The following BCAT1 variants were observed in gnomAD, a reference collection of about 807,000 sequenced individuals.
BCAT1 encodes the protein branched-chain-amino-acid aminotransferase, cytosolic.
In BCAT1, 48 loss-of-function variants were observed where a neutral mutation model predicts 52.4. The observed-to-expected ratio is 0.92, with a 90% CI of 0.73 to 1.16. BCAT1 has a LOEUF of 1.16. Among genes scored for constraint, BCAT1 ranks in the 50% most tolerant of loss-of-function variants. BCAT1 has a pLI of 0.00. For synonymous variants in BCAT1, 167 were observed against 161.3 expected (o/e 1.04, Z -0.27); for missense variants, 451 against 457.1 (o/e 0.99, Z 0.12).
chr12:24,874,314 A>C (rs1324615287), intron 5 of BCAT1, among the ~76,000 whole-genome samples: 3 of 152,242 alleles, frequency 2.0e-5, no homozygotes. Context: ...ACTCTATCTC[A>C]AAAATAAAAT....
chr12:24,866,429 C>G (rs200491710), intron 5 of BCAT1, among the ~76,000 whole-genome samples: 1 of 152,196 alleles, frequency 6.6e-6, no homozygotes, highest in Non-Finnish European at 1.5e-5. Flanking sequence ...TGACGAGTGC[C>G]ACCCCCACTC....
At chr12:24,842,324 C>T (rs1941201187) in intron 6 of BCAT1, 100 bp from the exon 7 acceptor site, 1 of 1,321,312 alleles carries the variant, frequency 7.6e-7, no homozygotes, top group Non-Finnish European at 1.1e-6. Flanking sequence ...CACATGTGGA[C>T]ATAGTGAAGG....
intron 6 of BCAT1, among the ~76,000 whole-genome samples, chr12:24,842,666 C>T (rs1673331120): frequency 1.3e-5 from 2 of 152,054 alleles, no homozygotes; most frequent in Non-Finnish European, 1.5e-5. Flanking sequence ...TGTCAAGTTG[C>T]AATAGAAGAG....
intron 1 of BCAT1, among the ~76,000 whole-genome samples, chr12:24,937,826 C>A (rs940860095): frequency 2.0e-5 from 3 of 152,146 alleles, no homozygotes; most frequent in Non-Finnish European, 4.4e-5. Context: ...AAACTGGGCA[C>A]ATGGTTGTTA....
chr12:24,852,889 C>G, intron 5 of BCAT1, among the ~76,000 whole-genome samples: 1 of 152,166 alleles, frequency 6.6e-6, no homozygotes, highest in East Asian at 1.9e-4. Context: ...ATTACTTACA[C>G]CAATTCATTG....
chr12:24,873,731 T>A (rs968809060), intron 5 of BCAT1, among the ~76,000 whole-genome samples: 2 of 152,332 alleles, frequency 1.3e-5, no homozygotes, highest in South Asian at 4.1e-4. Flanking sequence ...AATGCTCCAA[T>A]GAGCATTTTT....
chr12:24,889,935 G>T (rs1483196967), intron 3 of BCAT1, among the ~76,000 whole-genome samples: 1 of 152,176 alleles, frequency 6.6e-6, no homozygotes, highest in African/African-American at 2.4e-5. Flanking sequence ...CCAAAAGAAT[G>T]AGTTCAGTGA....
intron 1 of BCAT1, among the ~76,000 whole-genome samples, chr12:24,933,469 G>T (rs1418648735): frequency 6.6e-6 from 1 of 152,104 alleles, no homozygotes; most frequent in Non-Finnish European, 1.5e-5. Flanking sequence ...CCTGCAAGTT[G>T]CAGGAGAGCT....
intron 2 of BCAT1, among the ~76,000 whole-genome samples, chr12:24,896,184 C>T (rs1409767651): frequency 5.9e-5 from 9 of 152,026 alleles, no homozygotes; most frequent in Non-Finnish European, 1.0e-4. Flanking sequence ...CAAGTAAAAA[C>T]GTTAATTTAA....
intron 1 of BCAT1, among the ~76,000 whole-genome samples, chr12:24,947,764 G>A (rs1943953692): frequency 6.6e-6 from 1 of 152,192 alleles, no homozygotes; most frequent in Non-Finnish European, 1.5e-5. Flanking sequence ...AAGCAAGACT[G>A]TTCATTCTTA....
chr12:24,916,876 A>C (rs775523738), intron 1 of BCAT1, among the ~76,000 whole-genome samples: 1 of 152,208 alleles, frequency 6.6e-6, no homozygotes, highest in Non-Finnish European at 1.5e-5. Flanking sequence ...AAATAACTAT[A>C]TTGCCAGAAA....
intron 8 of BCAT1, chr12:24,834,299 T>G (rs1444220093): frequency 4.1e-6 from 4 of 985,362 alleles, no homozygotes; most frequent in African/African-American, 3.5e-5. Context: ...TTCCTTCTCT[T>G]TCAGTATCAC....
At chr12:24,871,928 C>A (rs1184398405) in intron 5 of BCAT1, among the ~76,000 whole-genome samples, 1 of 152,004 alleles carries the variant, frequency 6.6e-6, no homozygotes, top group Non-Finnish European at 1.5e-5. Context: ...GCAAATAAAA[C>A]TGAATATTGT....
In BCAT1 at chr12:24,901,824, C is replaced by A. The variant is rs1478655461; in HGVS notation, c.68G>T (p.Gly23Val). The A allele has an allele frequency of 4.3e-6, 7 of 1,613,758 alleles. No individual in the cohort carries two copies. Among genetic ancestry groups the A allele is most frequent in the East Asian group, 2.2e-5 (1 of 44,898 alleles). The change falls in exon 2 of 11, where the codon GGG (glycine) becomes GTG (valine). Residue 23 changes from glycine (G) to valine (V), a missense_variant. Physicochemically the swap from Gly to Val is moderately radical, Grantham distance 109. Transcript: ENST00000261192. Reference protein sequence around the residue: ...TGEGGSKEVVGTFKAKDLIVT... With the variant: ...TGEGGSKEVVVTFKAKDLIVT... ...TGGCAAGCAACTTACCTTAAAAGTC[C>A]CCACCACCTCTTTTGATCCTCCTTC...
In BCAT1 at chr12:24,817,960, G is replaced by GCATA; in HGVS notation, c.*44_*47dup. On this transcript the variant is annotated 3_prime_UTR_variant, in exon 11 of 11. Coordinates refer to ENST00000261192, the MANE Select transcript of BCAT1 (RefSeq NM_005504.7). ...TCAAATGCAACAGTCTGTCCCAGTA[G>GCATA]CATACAGTTGGTATCCTCTATTTTC... The GCATA allele has an allele frequency of 5.1e-6, 8 of 1,567,724 alleles. No homozygotes were observed. The highest frequency in any genetic ancestry group is 7.0e-6 in the Non-Finnish European group (8 of 1,139,038).
intron 1 of BCAT1, chr12:24,902,086 C>G (rs2291896): frequency 6.7e-7 from 1 of 1,484,402 alleles, no homozygotes; most frequent in South Asian, 1.3e-5. Flanking sequence ...CACTTCCCAC[C>G]CTGCCGGGGT....
intron 3 of BCAT1, among the ~76,000 whole-genome samples, chr12:24,887,179 C>G (rs1942705257): frequency 6.9e-6 from 1 of 145,322 alleles, no homozygotes. Flanking sequence ...CCAGGCCTAA[C>G]TCCAAAGGAC....
intron 1 of BCAT1, among the ~76,000 whole-genome samples, chr12:24,943,928 G>T (rs764032298): frequency 6.6e-6 from 1 of 151,662 alleles, no homozygotes; most frequent in African/African-American, 2.4e-5. Flanking sequence ...AGCTTGCAGT[G>T]AGCCGAGATC....
chr12:24,903,016 A>G lies in BCAT1; in HGVS notation c.7-1131T>C, dbSNP rs929974602. The G allele has an allele frequency of 1.9e-5, 27 of 1,425,954 alleles. No individual in the cohort carries two copies. In the African/African-American group the frequency reaches 3.8e-4, roughly 20 times the overall value. The allele number at this position is 1,425,954 out of a possible 1,614,324, so 88.3% of individuals were successfully genotyped here. ...GGAGGCTGCGGGGACGCGGGGCTGCAGAGAGCGGCAGTGGCACGGAGCGCG... is the reference window on the plus strand; with the variant it reads ...GGAGGCTGCGGGGACGCGGGGCTGCGGAGAGCGGCAGTGGCACGGAGCGCG... On this transcript the variant is annotated intron_variant, in intron 1 of 10. Transcript: ENST00000261192.
Sources: gnomAD v4.1 joint callset for allele counts (sites outside exome capture counted in the v4.1 genomes callset) on GRCh38, gnomAD v4.1.1 for gene constraint, MANE v1.5 for transcripts, NCBI Gene and HGNC (gene_info 2026-07-23, HGNC 2026-07-21) for gene names.